Variants in LUM observed in about 807,000 individuals in gnomAD.
LUM encodes lumican.
LUM carries 13 observed loss-of-function variants against 20.5 expected under a neutral mutation model. That is an observed-to-expected ratio of 0.63 (90% confidence interval 0.41 to 1.01). The LOEUF (loss-of-function observed/expected upper bound fraction) is 1.01. Ranked by LOEUF, LUM falls within the 50% of genes least tolerant of loss-of-function variation. The pLI, the probability that LUM is intolerant of heterozygous loss-of-function variation, is 0.00. For synonymous variants in LUM, 173 were observed against 151.5 expected (o/e 1.14, Z -1.04); for missense variants, 321 against 391.1 (o/e 0.82, Z 1.51).
chr12:91,104,103 A>T lies in LUM; in HGVS notation c.*62T>A. ...AGTAATAAACAGTAATAAAATATGG[A>T]TACTATGAAAACTGACACACAGAAA... On this transcript the variant is annotated 3_prime_UTR_variant, in exon 3 of 3. Coordinates refer to ENST00000266718, the MANE Select transcript of LUM (RefSeq NM_002345.4). 1 of 1,308,936 alleles carries T rather than the reference A, an allele frequency of 7.6e-7. No homozygotes were observed. The highest frequency in any genetic ancestry group is 1.1e-6 in the Non-Finnish European group (1 of 909,208). The allele number at this position is 1,308,936 out of a possible 1,614,324, so 81.1% of individuals were successfully genotyped here. A position where few individuals can be genotyped will look rare whatever the true frequency, so the allele number is the denominator to read the frequency against.
Position 91,104,188 on chromosome 12 carries a change from C to A in LUM, c.994G>T (p.Ala332Ser). ...TATTAATTAAGAGTGACTTCGTTAG[C>A]AACACGTAGACATTCATACATATCC... Reference protein sequence around the residue: ...PPDMYECLRVANEVTLN With the variant: ...PPDMYECLRVSNEVTLN Residue 332 changes from alanine (A) to serine (S), a missense_variant, in exon 3 of 3, where the codon GCT becomes TCT. Coordinates refer to ENST00000266718, the MANE Select transcript of LUM (RefSeq NM_002345.4). 6.2e-7 allele frequency: 1 copy of A among 1,612,324 alleles called. No homozygotes were observed.
chr12:91,107,997 G>C (rs527560703), intron 2 of LUM, 121 bp downstream of exon 2: 9 of 1,160,330 alleles, frequency 7.8e-6, no homozygotes, highest in Non-Finnish European at 1.2e-5. Flanking sequence ...ACAGGAATGA[G>C]CCACAGCGCC....
chr12:91,107,798 C>T (rs973972437), intron 2 of LUM, among the ~76,000 whole-genome samples: 8 of 151,924 alleles, frequency 5.3e-5, no homozygotes, highest in Non-Finnish European at 1.2e-4. Context: ...TCACTGCAAC[C>T]TCTATCTCCC....
At position 91,106,690 on chromosome 12, in the gene LUM, T is replaced by TAAAAAA. The variant is rs374164456; in HGVS notation, c.862+1422_862+1427dup. Among the ~76,000 whole-genome samples the TAAAAAA allele has an allele frequency of 4.1e-3, 375 of 90,510 alleles. 10 individuals are homozygous for TAAAAAA. Among genetic ancestry groups the TAAAAAA allele is most frequent in the Admixed American group, 5.1e-3 (38 of 7,458 alleles). 59.4% of individuals were successfully genotyped at this position (90,510 alleles called of 152,430 possible). ...AAGCTCTGTAACACTATTTTTCTTCTAAAAAAAAAAAAAAAAAAAAAGATG... is the reference window on the plus strand; with the variant it reads ...AAGCTCTGTAACACTATTTTTCTTCTAAAAAAAAAAAAAAAAAAAAAAAAAAAGATG... On this transcript the variant is annotated intron_variant, in intron 2 of 2. Transcript: ENST00000266718.
At chr12:91,109,033 A>G in intron 1 of LUM, 33 bp from the exon 2 acceptor site, 1 of 1,383,000 alleles carries the variant, frequency 7.2e-7, no homozygotes. Context: ...TTAATTAAAA[A>G]AATATATACT....
intron 1 of LUM, 44 bp downstream of exon 1, chr12:91,111,354 C>G (rs1880199245): frequency 6.6e-6 from 1 of 152,162 alleles, no homozygotes; most frequent in African/African-American, 2.4e-5. Flanking sequence ...AACGCTGTCC[C>G]AAACAGTTAA....
At chr12:91,111,081 T>C (rs1880194093) in intron 1 of LUM, among the ~76,000 whole-genome samples, 1 of 152,214 alleles carries the variant, frequency 6.6e-6, no homozygotes, top group South Asian at 2.1e-4. Flanking sequence ...CTAACATATA[T>C]AACTAACTAG....
intron 2 of LUM, among the ~76,000 whole-genome samples, chr12:91,106,234 A>C (rs1161861059): frequency 6.6e-6 from 1 of 152,212 alleles, no homozygotes; most frequent in African/African-American, 2.4e-5. Flanking sequence ...CATATGCATA[A>C]AATATATTGT....
chr12:91,108,035 G>T lies in LUM; in HGVS notation c.862+83C>A. The T allele has an allele frequency of 1.4e-6, 2 of 1,469,706 alleles. No homozygotes were observed. The highest frequency in any genetic ancestry group is 1.9e-6 in the Non-Finnish European group (2 of 1,050,202). The allele number at this position is 1,469,706 out of a possible 1,614,324, so 91.0% of individuals were successfully genotyped here. A position where few individuals can be genotyped will look rare whatever the true frequency, so the allele number is the denominator to read the frequency against. The stretch of plus-strand genomic sequence containing the variant: ...GGCGACATTTTGTTTTTTTAATGGA[G>T]CCAGATGCAATATCTGTGTTGTGCA... On this transcript the variant is annotated intron_variant, in intron 2 of 2. Coordinates refer to ENST00000266718, the MANE Select transcript of LUM (RefSeq NM_002345.4). This position sits in a 1 kb window ranked among gnomAD's most constrained non-coding sequence, Gnocchi z 4.2.
chr12:91,109,404 A>G (rs1298037324), intron 1 of LUM, among the ~76,000 whole-genome samples: 1 of 152,156 alleles, frequency 6.6e-6, no homozygotes, highest in African/African-American at 2.4e-5. Context: ...TGTATACTCT[A>G]CCCTACCATT....
chr12:91,102,701 A>G lies in LUM; in HGVS notation c.*1464T>C, dbSNP rs1007513155. 1 of 152,110 alleles carries G rather than the reference A, an allele frequency of 6.6e-6. No individual in the cohort carries two copies. Among genetic ancestry groups the G allele is most frequent in the Non-Finnish European group, 1.5e-5 (1 of 67,974 alleles). The allele number at this position is 152,110 out of a possible 1,614,324, so 9.4% of individuals were successfully genotyped here. On this transcript the variant is annotated 3_prime_UTR_variant, in exon 3 of 3. Transcript: ENST00000266718. Reference sequence around the variant, plus strand: ...AACCAACAAATAAACTGAGGCTGCTATCACACTCTAAGGAATTTACCTTAA... The same window carrying G: ...AACCAACAAATAAACTGAGGCTGCTGTCACACTCTAAGGAATTTACCTTAA...
At chr12:91,107,253 A>G (rs1226650937) in intron 2 of LUM, among the ~76,000 whole-genome samples, 8 of 27,980 alleles carry the variant, frequency 2.9e-4, no homozygotes, top group African/African-American at 6.7e-4. Context: ...GAAAGAAAGA[A>G]AGAAAGAAAG....
Position 91,106,690 on chromosome 12 carries a change from T to TAAAAAAAAAAAAAAA in LUM, c.862+1413_862+1427dup, listed in dbSNP as rs374164456. On this transcript the variant is annotated intron_variant, in intron 2 of 2. Coordinates refer to ENST00000266718, the MANE Select transcript of LUM (RefSeq NM_002345.4). ...AAGCTCTGTAACACTATTTTTCTTC[T>TAAAAAAAAAAAAAAA]AAAAAAAAAAAAAAAAAAAAAGATG... Among the ~76,000 whole-genome samples, 50 of 90,600 alleles carry TAAAAAAAAAAAAAAA rather than the reference T, an allele frequency of 5.5e-4. 1 individual carries two copies. Among genetic ancestry groups the TAAAAAAAAAAAAAAA allele is most frequent in the African/African-American group, 2.2e-3 (49 of 21,874 alleles). The allele number at this position is 90,600 out of a possible 152,430, so 59.4% of individuals were successfully genotyped here. A position where few individuals can be genotyped will look rare whatever the true frequency, so the allele number is the denominator to read the frequency against.
chr12:91,108,542 A>G lies in LUM; in HGVS notation c.438T>C (p.His146=), dbSNP rs1292688382. Residue 146 remains histidine (H), a synonymous_variant, in exon 2 of 3, where the codon CAT becomes CAC. Transcript: ENST00000266718. The surrounding 1 kb of genome is among the most constrained non-coding windows in gnomAD (Gnocchi z 4.2). ...PKSLEDLQLT[H]NKITKLGSFE... is the part of the protein sequence containing the mutation. ...AAGAGCCCAGCTTTGTGATCTTGTT[A>G]TGAGTAAGCTGCAGATCCTCCAGAG... The G allele has an allele frequency of 3.7e-6, 6 of 1,611,476 alleles. No homozygotes were observed. Among genetic ancestry groups the G allele is most frequent in the African/African-American group, 2.7e-5 (2 of 74,794 alleles).
intron 2 of LUM, among the ~76,000 whole-genome samples, chr12:91,107,825 C>T (rs185870782): frequency 6.6e-6 from 1 of 152,004 alleles, no homozygotes; most frequent in Admixed American, 6.6e-5. Flanking sequence ...AAGCAATTCT[C>T]CTGGCTCAGC....
intron 1 of LUM, among the ~76,000 whole-genome samples, chr12:91,109,989 G>C (rs923232989): frequency 3.3e-5 from 5 of 152,112 alleles, no homozygotes; most frequent in African/African-American, 1.2e-4. Context: ...ATTCAATTGA[G>C]AATATGAATT....
chr12:91,110,565 A>C (rs1177057375), intron 1 of LUM, among the ~76,000 whole-genome samples: 1 of 152,198 alleles, frequency 6.6e-6, no homozygotes, highest in Non-Finnish European at 1.5e-5. Context: ...AAGTTATAGA[A>C]TGTAAATACT....
rs997281790 is a variant in LUM at position 91,104,061 on chromosome 12, A to T, written c.*104T>A. 4 of 964,922 alleles carry T rather than the reference A, an allele frequency of 4.1e-6. No individual in the cohort carries two copies. Among genetic ancestry groups the T allele is most frequent in the East Asian group, 2.6e-5 (1 of 39,158 alleles). 59.8% of individuals were successfully genotyped at this position (964,922 alleles called of 1,614,324 possible). A position where few individuals can be genotyped will look rare whatever the true frequency, so the allele number is the denominator to read the frequency against. ...AATGTTTACAAAACATTTCCCTCAG[A>T]TTTTAAAATTCATGGAAGTAATAAA... is the stretch of plus-strand genomic sequence containing the variant. On this transcript the variant is annotated 3_prime_UTR_variant, in exon 3 of 3. Transcript: ENST00000266718.
In LUM at chr12:91,108,814, G is replaced by T. The variant is rs1403253029; in HGVS notation, c.166C>A (p.Leu56Met). Residue 56 changes from leucine to methionine, a missense_variant, in exon 2 of 3, where the codon CTG becomes ATG. Coordinates refer to ENST00000266718, the MANE Select transcript of LUM (RefSeq NM_002345.4). The surrounding 1 kb of genome is among the most constrained non-coding windows in gnomAD (Gnocchi z 4.2). The stretch of plus-strand genomic sequence containing the variant: ...ACCATTGGTACACTTTTCAATTTCA[G>T]CTCATCACAGTACATGGCACTTGGG... ...SYPSAMYCDE[L>M]KLKSVPMVPP... 4.3e-5 allele frequency: 70 copies of T among 1,613,856 alleles called. No individual in the cohort carries two copies. The highest frequency in any genetic ancestry group is 5.7e-5 in the Non-Finnish European group (67 of 1,179,974).
Sources: gnomAD v4.1 joint callset for allele counts (sites outside exome capture counted in the v4.1 genomes callset) on GRCh38, gnomAD v4.1.1 for gene constraint, Gnocchi (gnomAD v3.1) non-coding constraint, MANE v1.5 for transcripts, NCBI Gene and HGNC (gene_info 2026-07-23, HGNC 2026-07-21) for gene names.